The following CRKL variants were observed in gnomAD, a reference collection of about 807,000 sequenced individuals.
The protein encoded by CRKL is crk-like protein.
A neutral mutation model predicts 23.0 loss-of-function variants in CRKL; 3 were observed. The observed-to-expected ratio is 0.13, with a 90% CI of 0.06 to 0.34. CRKL has a LOEUF of 0.34. Ranked by LOEUF, CRKL falls within the 10% of genes least tolerant of loss-of-function variation. The pLI is 1.00. For missense variants in CRKL, 256 were observed against 394.5 expected (o/e 0.65, Z 2.97); for synonymous variants, 188 against 160.7 (o/e 1.17, Z -1.28).
At chr22:20,940,736 TGTA>T (rs1921843346) in intron 2 of CRKL, among the ~76,000 whole-genome samples, 1 of 152,120 alleles carries the variant, frequency 6.6e-6, no homozygotes, top group African/African-American at 2.4e-5. Flanking sequence ...TTTCAAAACC[TGTA>T]GTAATTTGGA....
Position 20,944,746 on chromosome 22 carries a change from CT to C in CRKL, c.778-4953del, listed in dbSNP as rs1012712767. 3.9e-3 allele frequency among the ~76,000 whole-genome samples: 565 copies of C among 145,920 alleles called. 1 individual carries two copies. Among genetic ancestry groups the C allele is most frequent in the African/African-American group, 0.012 (473 of 39,952 alleles). ...TTAGATGCTATTGTAAATGGAATCACTTTTTTTTTTTTCTTCTTGGAGACAG... is the reference window on the plus strand; with the variant it reads ...TTAGATGCTATTGTAAATGGAATCACTTTTTTTTTTTCTTCTTGGAGACAG... On this transcript the variant is annotated intron_variant, in intron 2 of 2. Transcript: ENST00000354336.
Position 20,917,872 on chromosome 22 carries a change from G to A in CRKL, c.-63G>A. On this transcript the variant is annotated 5_prime_UTR_variant, in exon 1 of 3. Transcript: ENST00000354336. ...GCCCCAAAGCCGTCTGCCGGGCTAA[G>A]GCGTGCAGAGCAGGCGAGGACAGCC... is the stretch of plus-strand genomic sequence containing the variant. The A allele has an allele frequency of 6.6e-7, 1 of 1,519,878 alleles. No homozygotes were observed. The highest frequency in any genetic ancestry group is 1.2e-5 in the South Asian group (1 of 80,974). The allele number at this position is 1,519,878 out of a possible 1,614,324, so 94.1% of individuals were successfully genotyped here.
At position 20,927,515 on chromosome 22, in the gene CRKL, T is replaced by G. The variant is rs1322806822; in HGVS notation, c.312-6264T>G. Among the ~76,000 whole-genome samples the G allele has an allele frequency of 3.3e-3, 483 of 145,608 alleles. 5 individuals are homozygous for G. Among genetic ancestry groups the G allele is most frequent in the African/African-American group, 0.012 (455 of 39,514 alleles). ...CCAGCTGGAATTAAGTTTTCTACCT[T>G]TTTTTTTTTTTTTTTAACTGTGAAA... On this transcript the variant is annotated intron_variant, in intron 1 of 2. Coordinates refer to ENST00000354336, the MANE Select transcript of CRKL (RefSeq NM_005207.4).
chr22:20,927,842 CAAAAAAAA>C (rs796204860), intron 1 of CRKL, among the ~76,000 whole-genome samples: 26 of 56,260 alleles, frequency 4.6e-4, no homozygotes, highest in East Asian at 2.9e-3. Flanking sequence ...GACTCTGTCT[CAAAAAAAA>C]AAAAAAAAAA....
rs756850112 is a variant in CRKL at position 20,929,148 on chromosome 22, C to CATTTT, written c.312-4611_312-4607dup. Reference sequence around the variant, plus strand: ...TTTGGATGGGCTTGAAAACCCTGTGCATTTTATTTTATTTTATTTTATTTA... The same window carrying CATTTT: ...TTTGGATGGGCTTGAAAACCCTGTGCATTTTATTTTATTTTATTTTATTTTATTTA... On this transcript the variant is annotated intron_variant, in intron 1 of 2. Transcript: ENST00000354336. 7.0e-4 allele frequency among the ~76,000 whole-genome samples: 107 copies of CATTTT among 152,036 alleles called. 1 individual carries two copies. Among genetic ancestry groups the CATTTT allele is most frequent in the African/African-American group, 2.2e-3 (92 of 41,500 alleles).
rs531647514 is a variant in CRKL, at chr22:20,937,962, C to T, written c.777+3718C>T. 3.3e-5 allele frequency among the ~76,000 whole-genome samples: 5 copies of T among 152,180 alleles called. No homozygotes were observed. In the East Asian group the frequency reaches 5.8e-4, roughly 18 times the overall value. Reference sequence around the variant, plus strand: ...TCCGCTCGCTGCAACCTCCACCTCACGGGTTTAAGCGATTCTCATGCCTCA... The same window carrying T: ...TCCGCTCGCTGCAACCTCCACCTCATGGGTTTAAGCGATTCTCATGCCTCA... On this transcript the variant is annotated intron_variant, in intron 2 of 2. Coordinates refer to ENST00000354336, the MANE Select transcript of CRKL (RefSeq NM_005207.4).
In CRKL at chr22:20,950,677, G is replaced by A. The variant is rs757554478; in HGVS notation, c.*832G>A. On this transcript the variant is annotated 3_prime_UTR_variant, in exon 3 of 3. Coordinates refer to ENST00000354336, the MANE Select transcript of CRKL (RefSeq NM_005207.4). The stretch of plus-strand genomic sequence containing the variant: ...ATCCACCCGCCTTCAGCCTCCCAAC[G>A]TGCTGGGATTACAGCCGTGAGCCGC... 13 of 218,036 alleles carry A rather than the reference G, an allele frequency of 6.0e-5. No homozygotes were observed. The highest frequency in any genetic ancestry group is 1.1e-4 in the Non-Finnish European group (12 of 108,762). 13.5% of individuals were successfully genotyped at this position (218,036 alleles called of 1,614,324 possible).
intron 2 of CRKL, among the ~76,000 whole-genome samples, chr22:20,948,359 T>G (rs1027015295): frequency 1.3e-5 from 2 of 152,134 alleles, no homozygotes; most frequent in Non-Finnish European, 2.9e-5. Flanking sequence ...GGAAATCCTC[T>G]GATATATACA....
intron 1 of CRKL, among the ~76,000 whole-genome samples, chr22:20,924,180 C>G (rs1054799161): frequency 1.3e-5 from 2 of 151,972 alleles, no homozygotes; most frequent in African/African-American, 2.4e-5. Flanking sequence ...AGAGCCAGAC[C>G]TTGTCTCAAA....
At chr22:20,947,825 C>T (rs532935498) in intron 2 of CRKL, among the ~76,000 whole-genome samples, 37 of 150,370 alleles carry the variant, frequency 2.5e-4, no homozygotes, top group African/African-American at 8.6e-4. Flanking sequence ...GTAGCTGGGA[C>T]TGCAGGTGCA....
At chr22:20,944,469 ATC>A (rs1165449518) in intron 2 of CRKL, among the ~76,000 whole-genome samples, 1 of 151,968 alleles carries the variant, frequency 6.6e-6, no homozygotes, top group African/African-American at 2.4e-5. Flanking sequence ...CAGTGGTGCA[ATC>A]TCGGCTCACT....
intron 1 of CRKL, among the ~76,000 whole-genome samples, chr22:20,930,680 C>CTTT (rs151090592): frequency 4.2e-5 from 2 of 48,050 alleles, no homozygotes; most frequent in Admixed American, 3.0e-4. Flanking sequence ...ACACGCCTGG[C>CTTT]TTTTTTTTTT....
Position 20,917,576 on chromosome 22 carries a change from G to C in CRKL, c.-359G>C, listed in dbSNP as rs996916666. The C allele has an allele frequency of 3.1e-6, 1 of 318,236 alleles. No individual in the cohort carries two copies. Among genetic ancestry groups the C allele is most frequent in the African/African-American group, 2.1e-5 (1 of 47,012 alleles). The allele number at this position is 318,236 out of a possible 1,614,324, so 19.7% of individuals were successfully genotyped here. A position where few individuals can be genotyped will look rare whatever the true frequency, so the allele number is the denominator to read the frequency against. ...GCGGGGGTCGGTGAAGACCCGTCGA[G>C]CTGCGGCGCCGGCGCGTTCCAGGCC... On this transcript the variant is annotated 5_prime_UTR_variant, in exon 1 of 3. Transcript: ENST00000354336.
At chr22:20,936,788 A>G (rs1248686329) in intron 2 of CRKL, among the ~76,000 whole-genome samples, 1 of 151,838 alleles carries the variant, frequency 6.6e-6, no homozygotes, top group Admixed American at 6.6e-5. Context: ...GGGGTCAGGG[A>G]CTGAGAGGCT....
At position 20,918,101 on chromosome 22, in the gene CRKL, C is replaced by G. The variant is rs1929757973; in HGVS notation, c.167C>G (p.Ser56Trp). ...GDYVLSVSEN[S>W]RVSHYIINSL... is the part of the protein sequence containing the mutation. ...TATGTGCTGTCGGTGTCCGAGAACT[C>G]GCGGGTCTCCCACTACATCATCAAC... Residue 56 changes from serine (S) to tryptophan (W), a missense_variant, in exon 1 of 3, where the codon TCG becomes TGG. Ser to Trp is a radical substitution (Grantham distance 177). Transcript: ENST00000354336. 2 of 1,614,226 alleles carry G rather than the reference C, an allele frequency of 1.2e-6. No homozygotes were observed.
chr22:20,917,488 A>G lies in CRKL; in HGVS notation c.-447A>G, dbSNP rs1929732623. The G allele has an allele frequency of 4.2e-6, 1 of 239,766 alleles. No individual in the cohort carries two copies. Among genetic ancestry groups the G allele is most frequent in the Non-Finnish European group, 8.1e-6 (1 of 122,874 alleles). The allele number at this position is 239,766 out of a possible 1,614,324, so 14.9% of individuals were successfully genotyped here. A position where few individuals can be genotyped will look rare whatever the true frequency, so the allele number is the denominator to read the frequency against. On this transcript the variant is annotated 5_prime_UTR_variant, in exon 1 of 3. Transcript: ENST00000354336. The stretch of plus-strand genomic sequence containing the variant: ...CATTTTGTTGCTGTGGCTATTGGGA[A>G]CAAGCTGGGCAAAAGCACCCCGGAG...
chr22:20,949,337 G>C (rs1420644209), intron 2 of CRKL, among the ~76,000 whole-genome samples: 3 of 152,140 alleles, frequency 2.0e-5, no homozygotes, highest in African/African-American at 7.2e-5. Context: ...ATGTTGCCCA[G>C]GCTGGTCTCG....
intron 1 of CRKL, among the ~76,000 whole-genome samples, chr22:20,928,160 A>G (rs1178667065): frequency 6.6e-6 from 1 of 152,114 alleles, no homozygotes; most frequent in African/African-American, 2.4e-5. Flanking sequence ...CTGTCTCAAA[A>G]AAAAAGTATA....
intron 2 of CRKL, among the ~76,000 whole-genome samples, chr22:20,945,779 G>A (rs749539404): frequency 1.4e-4 from 21 of 152,170 alleles, no homozygotes; most frequent in Non-Finnish European, 2.5e-4. Flanking sequence ...ATGCAGCTCC[G>A]TGAGGGCCAG....
Sources: gnomAD v4.1 joint callset for allele counts (sites outside exome capture counted in the v4.1 genomes callset) on GRCh38, gnomAD v4.1.1 for gene constraint, MANE v1.5 for transcripts, NCBI Gene and HGNC (gene_info 2026-07-23, HGNC 2026-07-21) for gene names.